RERE: variants seen among roughly 807,000 people sequenced by gnomAD.
The protein encoded by RERE is arginine-glutamic acid dipeptide repeats, also known as arginine-glutamic acid dipeptide repeats protein.
A neutral mutation model predicts 146.1 loss-of-function variants in RERE; 40 were observed. The ratio of observed to expected loss-of-function variants is 0.27; its 90% CI spans 0.21 to 0.36. The LOEUF is 0.36. RERE is among the 10% of genes least tolerant of loss of function. RERE has a pLI of 1.00. For missense variants in RERE, 1,933 were observed against 2,138.7 expected (o/e 0.90, Z 1.90); for synonymous variants, 1,003 against 866.0 (o/e 1.16, Z -2.78).
In RERE at chr1:8,358,450, T is replaced by G; in HGVS notation, c.4085A>C (p.His1362Pro). 4 of 1,588,486 alleles carry G rather than the reference T, an allele frequency of 2.5e-6. No homozygotes were observed. Among genetic ancestry groups the G allele is most frequent in the Non-Finnish European group, 3.4e-6 (4 of 1,164,494 alleles). ...ALTIPPTAGP[H>P]PFASFHPGLN... is the part of the protein sequence containing the mutation. ...GCCCGGGTGGAAAGAAGCAAAAGGG[T>G]GGGGCCCGGCGGTCGGGGGGATGGT... The change falls in exon 20 of 23, where the codon CAC (histidine) becomes CCC (proline). Residue 1362 changes from histidine (H) to proline (P), a missense_variant. Around this residue, in one of 11 missense-constraint regions of RERE, gnomAD observed 1,255 missense variants for 1,153.8 expected, o/e 1.09. Transcript: ENST00000400908.
chr1:8,402,163 G>A (rs899429697), intron 12 of RERE, among the ~76,000 whole-genome samples: 2 of 152,150 alleles, frequency 1.3e-5, no homozygotes, highest in South Asian at 2.1e-4. Flanking sequence ...CGCTGCGCCC[G>A]GCCAACGCTG....
intron 10 of RERE, among the ~76,000 whole-genome samples, chr1:8,483,841 A>G (rs1644865572): frequency 6.6e-6 from 1 of 152,244 alleles, no homozygotes; most frequent in East Asian, 1.9e-4. Context: ...AAAGAGCTTA[A>G]TCCAAACGTC....
At chr1:8,646,899 T>C (rs771656382) in intron 2 of RERE, among the ~76,000 whole-genome samples, 6 of 152,226 alleles carry the variant, frequency 3.9e-5, no homozygotes, top group East Asian at 1.9e-4. Flanking sequence ...GGTGGGCGGA[T>C]AGTGTGAGCC....
Position 8,616,930 on chromosome 1 carries a change from T to C in RERE, c.397-2244A>G, listed in dbSNP as rs1333890521. 7.2e-5 allele frequency among the ~76,000 whole-genome samples: 11 copies of C among 152,314 alleles called. No homozygotes were observed. The South Asian group carries it at 1.9e-3, about 26-fold the overall frequency. ...TCTGTCCACTAGAGGTTGACATCAG[T>C]ATCATGCAAAAAGGATGTGGTCGTT... On this transcript the variant is annotated intron_variant, in intron 3 of 22. Transcript: ENST00000400908.
At chr1:8,459,498 T>C (rs1000580798) in intron 11 of RERE, among the ~76,000 whole-genome samples, 16 of 152,362 alleles carry the variant, frequency 1.1e-4, no homozygotes, top group African/African-American at 3.6e-4. Flanking sequence ...ATTGTATCTA[T>C]ATTTTGGGTT....
intron 10 of RERE, among the ~76,000 whole-genome samples, chr1:8,494,819 G>T (rs1288298235): frequency 6.6e-6 from 1 of 152,220 alleles, no homozygotes; most frequent in Non-Finnish European, 1.5e-5. Context: ...TTAAGTATCA[G>T]GTGCTATTAT....
chr1:8,692,282 C>T (rs913684560), intron 1 of RERE, among the ~76,000 whole-genome samples: 2 of 152,140 alleles, frequency 1.3e-5, no homozygotes, highest in African/African-American at 4.8e-5. Flanking sequence ...TACCAATATC[C>T]AGACACTCGT....
At chr1:8,768,084 G>T (rs1640882023) in intron 1 of RERE, among the ~76,000 whole-genome samples, 1 of 152,164 alleles carries the variant, frequency 6.6e-6, no homozygotes, top group African/African-American at 2.4e-5. Flanking sequence ...AGGCCATTTG[G>T]AGTAAAAAGG....
chr1:8,497,532 G>GT lies in RERE; in HGVS notation c.880-4dup. The GT allele has an allele frequency of 2.5e-6, 4 of 1,614,012 alleles. No individual in the cohort carries two copies. Among genetic ancestry groups the GT allele is most frequent in the Non-Finnish European group, 3.4e-6 (4 of 1,179,910 alleles). ...GGTTGCAGATCTGGAAGTTTGGCCT[G>GT]TAAGACAGGGATGAGTAAGTCACAA... On this transcript the variant is annotated splice_region_variant and splice_polypyrimidine_tract_variant and intron_variant, in intron 8 of 22. Transcript: ENST00000400908.
rs552609936 is a variant in RERE at position 8,736,981 on chromosome 1, G to GA, written c.-145+80178dup. 1.1e-4 allele frequency among the ~76,000 whole-genome samples: 16 copies of GA among 151,002 alleles called. No homozygotes were observed. The East Asian group carries it at 2.1e-3, about 20-fold the overall frequency. On this transcript the variant is annotated intron_variant, in intron 1 of 22. Coordinates refer to ENST00000400908, the MANE Select transcript of RERE (RefSeq NM_001042681.2). ...AAAGAATGGTTTAACTCTTCTTTCTGAAAAAAACAAATGATTATCTTTCTT... is the reference window on the plus strand; with the variant it reads ...AAAGAATGGTTTAACTCTTCTTTCTGAAAAAAAACAAATGATTATCTTTCTT...
chr1:8,789,301 A>AAAAAAAAAATATAT, intron 1 of RERE, among the ~76,000 whole-genome samples: 3 of 24,814 alleles, frequency 1.2e-4, no homozygotes, highest in African/African-American at 6.9e-4. Context: ...AAAAAAAAAA[A>AAAAAAAAAATATAT]ATATATATAT....
chr1:8,719,066 A>C (rs1049578377), intron 1 of RERE, among the ~76,000 whole-genome samples: 3 of 152,200 alleles, frequency 2.0e-5, no homozygotes, highest in South Asian at 2.1e-4. Flanking sequence ...AAAAAAAAGA[A>C]ACAGGCAGGG....
intron 1 of RERE, among the ~76,000 whole-genome samples, chr1:8,701,614 T>C (rs575690934): frequency 1.3e-5 from 2 of 152,254 alleles, no homozygotes; most frequent in African/African-American, 4.8e-5. Context: ...AGGGAAAAAG[T>C]GTAATCTTGG....
chr1:8,579,256 TCC>T, intron 4 of RERE, among the ~76,000 whole-genome samples: 1 of 132,318 alleles, frequency 7.6e-6, no homozygotes, highest in South Asian at 2.2e-4. Context: ...ACGTTCCTAA[TCC>T]TCTGTGTTCA....
intron 12 of RERE, among the ~76,000 whole-genome samples, chr1:8,366,949 A>T (rs1641830930): frequency 6.6e-6 from 1 of 151,896 alleles, no homozygotes; most frequent in African/African-American, 2.4e-5. Flanking sequence ...AAACCCAAAA[A>T]ACAAACACAG....
At chr1:8,514,565 A>G (rs1455161302) in intron 7 of RERE, among the ~76,000 whole-genome samples, 1 of 152,064 alleles carries the variant, frequency 6.6e-6, no homozygotes, top group East Asian at 1.9e-4. Context: ...CCCCATCCCT[A>G]CTAAAAACAC....
At chr1:8,606,798 A>C (rs1464274428) in intron 4 of RERE, among the ~76,000 whole-genome samples, 3 of 152,240 alleles carry the variant, frequency 2.0e-5, no homozygotes, top group African/African-American at 7.2e-5. Context: ...ATTTTCATTT[A>C]GAGAATACAT....
intron 1 of RERE, among the ~76,000 whole-genome samples, chr1:8,735,673 G>A (rs1028297819): frequency 4.6e-5 from 7 of 152,028 alleles, no homozygotes; most frequent in African/African-American, 1.4e-4. Context: ...ATTGGATCAC[G>A]GGGCGGTTTC....
chr1:8,811,830 T>C (rs1010782717), intron 1 of RERE, among the ~76,000 whole-genome samples: 9 of 152,190 alleles, frequency 5.9e-5, no homozygotes, highest in African/African-American at 2.2e-4. Context: ...ATTAATATTG[T>C]CCCCTTTGGG....
Sources: allele counts gnomAD v4.1 joint callset (sites outside exome capture counted in the v4.1 genomes callset), GRCh38; gene constraint gnomAD v4.1.1; regional missense constraint gnomAD v4.1.1; transcripts MANE v1.5; gene names NCBI Gene and HGNC (gene_info 2026-07-23, HGNC 2026-07-21).